Variants in IQCJ observed in about 807,000 individuals in gnomAD.
IQCJ encodes IQ motif containing J, also known as IQ domain-containing protein J.
Under a neutral mutation model 11.0 loss-of-function variants are expected in IQCJ, and 9 were observed. The ratio of observed to expected loss-of-function variants is 0.82; its 90% CI spans 0.49 to 1.43. IQCJ has a LOEUF of 1.43. IQCJ is among the 40% of genes most tolerant of loss of function. The probability of loss-of-function intolerance (pLI) is 0.00; values close to 1 mark genes in which losing one functional copy is unlikely to be tolerated. For missense variants in IQCJ, 146 were observed against 133.2 expected, an observed-to-expected ratio of 1.10 and a Z score of -0.47; for synonymous variants, 55 against 51.3, an observed-to-expected ratio of 1.07 and a Z score of -0.31.
At chr3:159,108,670 C>G (rs541336148) in intron 1 of IQCJ, among the ~76,000 whole-genome samples, 1 of 152,320 alleles carries the variant, frequency 6.6e-6, no homozygotes, top group African/African-American at 2.4e-5. Context: ...AGCTGTGAAA[C>G]TCTGCAGCAA....
chr3:159,123,444 A>T (rs1030701990), intron 1 of IQCJ, among the ~76,000 whole-genome samples: 2 of 152,142 alleles, frequency 1.3e-5, no homozygotes, highest in Non-Finnish European at 2.9e-5. Context: ...CTGCCCAGTC[A>T]GCTTCTAAGA....
intron 1 of IQCJ, among the ~76,000 whole-genome samples, chr3:159,184,002 A>C (rs1962071): frequency 0.27 from 40,735 of 150,878 alleles, 5,680 homozygotes; most frequent in South Asian, 0.39. Context: ...CCCACGCAGC[A>C]GCCAGAGATC....
At chr3:159,238,501 T>C (rs1170013545) in intron 1 of IQCJ, among the ~76,000 whole-genome samples, 1 of 152,168 alleles carries the variant, frequency 6.6e-6, no homozygotes, top group African/African-American at 2.4e-5. Context: ...ATTCAACAGA[T>C]AATATCAAGC....
intron 1 of IQCJ, among the ~76,000 whole-genome samples, chr3:159,142,425 C>T (rs1359772509): frequency 5.0e-3 from 353 of 70,766 alleles, no homozygotes; most frequent in African/African-American, 0.018. Flanking sequence ...AGGTCTTTTC[C>T]CCCCCCCACC....
intron 1 of IQCJ, among the ~76,000 whole-genome samples, chr3:159,128,022 A>G (rs1719777120): frequency 6.6e-6 from 1 of 152,206 alleles, no homozygotes; most frequent in Non-Finnish European, 1.5e-5. Context: ...CTTTTATTAT[A>G]GTGTGTTTGA....
intron 1 of IQCJ, among the ~76,000 whole-genome samples, chr3:159,228,378 T>C (rs1306358169): frequency 6.6e-6 from 1 of 152,224 alleles, no homozygotes; most frequent in East Asian, 1.9e-4. Context: ...TTCGCCTACT[T>C]GTTATGAAGC....
chr3:159,153,822 C>T (rs1560005676), intron 1 of IQCJ, among the ~76,000 whole-genome samples: 1 of 152,142 alleles, frequency 6.6e-6, no homozygotes, highest in Non-Finnish European at 1.5e-5. Flanking sequence ...GTTTTGCTAA[C>T]TAGGTGGTAG....
At chr3:159,265,407 G>T (rs1728445761), downstream of IQCJ, 6 of 1,609,976 alleles carry the variant, frequency 3.7e-6, no homozygotes, top group East Asian at 1.3e-4. Context: ...CCAGTGAATG[G>T]ACCTCAAGTT....
intron 1 of IQCJ, among the ~76,000 whole-genome samples, chr3:159,173,895 A>G (rs73164385): frequency 0.25 from 37,914 of 151,966 alleles, 5,079 homozygotes; most frequent in South Asian, 0.38. Context: ...AAAAATCCTT[A>G]GCTGTTATTC....
chr3:159,075,575 A>G (rs956480612), intron 1 of IQCJ, among the ~76,000 whole-genome samples: 13 of 152,088 alleles, frequency 8.5e-5, no homozygotes, highest in Non-Finnish European at 1.5e-4. Context: ...TAAGCCAATG[A>G]GTATAAATTC....
chr3:159,236,268 GA>G (rs35351745), intron 1 of IQCJ, among the ~76,000 whole-genome samples: 3,120 of 113,084 alleles, frequency 0.028, 44 homozygotes, highest in African/African-American at 0.074. Flanking sequence ...TGCTCCTTTT[GA>G]AAAAAAAAAA....
At chr3:159,117,690 CA>C (rs1355340195) in intron 1 of IQCJ, among the ~76,000 whole-genome samples, 3 of 152,186 alleles carry the variant, frequency 2.0e-5, no homozygotes, top group Non-Finnish European at 4.4e-5. Context: ...ATTCACTCAA[CA>C]AATAGTTGTT....
chr3:159,133,394 A>G (rs1347838732), intron 1 of IQCJ, among the ~76,000 whole-genome samples: 1 of 152,236 alleles, frequency 6.6e-6, no homozygotes, highest in Non-Finnish European at 1.5e-5. Context: ...TTCTTTCACA[A>G]ATTCCCAAGT....
downstream of IQCJ, chr3:159,265,336 C>A: frequency 6.2e-7 from 1 of 1,613,732 alleles, no homozygotes; most frequent in Non-Finnish European, 8.5e-7. Flanking sequence ...CTTGCCAGAC[C>A]CACTGGGTTC....
chr3:159,161,833 A>C (rs1257081261), intron 1 of IQCJ, among the ~76,000 whole-genome samples: 1 of 152,200 alleles, frequency 6.6e-6, no homozygotes, highest in African/African-American at 2.4e-5. Flanking sequence ...CAAAGATCAG[A>C]TAGCTGTAGA....
intron 1 of IQCJ, among the ~76,000 whole-genome samples, chr3:159,213,813 A>G (rs2108098617): frequency 6.6e-6 from 1 of 152,300 alleles, no homozygotes; most frequent in South Asian, 2.1e-4. Flanking sequence ...GTTTCATGTC[A>G]TCACAGTTTT....
At chr3:159,190,587 A>G (rs1723626811) in intron 1 of IQCJ, among the ~76,000 whole-genome samples, 1 of 152,208 alleles carries the variant, frequency 6.6e-6, no homozygotes. Flanking sequence ...AAGGAAAGTC[A>G]TTCCTGGCAG....
intron 3 of IQCJ, among the ~76,000 whole-genome samples, chr3:159,259,694 TA>T (rs1356754184): frequency 6.6e-6 from 1 of 152,210 alleles, no homozygotes; most frequent in Non-Finnish European, 1.5e-5. Flanking sequence ...TTTTCTATGA[TA>T]CAGAGAATAA....
At chr3:159,145,552 G>T (rs1388610097) in intron 1 of IQCJ, among the ~76,000 whole-genome samples, 6 of 148,390 alleles carry the variant, frequency 4.0e-5, no homozygotes, top group African/African-American at 1.5e-4. Context: ...TTTGATTCTT[G>T]AAATAGTTTC....
Sources: allele counts gnomAD v4.1 joint callset (sites outside exome capture counted in the v4.1 genomes callset), GRCh38; gene constraint gnomAD v4.1.1; transcripts MANE v1.5; gene names NCBI Gene and HGNC (gene_info 2026-07-23, HGNC 2026-07-21).